NELL1: variants seen among roughly 807,000 people sequenced by gnomAD.
NELL1 encodes neural EGFL like 1, also known as protein kinase C-binding protein NELL1.
In NELL1, 76 loss-of-function variants were observed where a neutral mutation model predicts 107.4. That is an observed-to-expected ratio of 0.71 (90% CI 0.59 to 0.86). The LOEUF (loss-of-function observed/expected upper bound fraction) is 0.86. NELL1 is among the 40% of genes least tolerant of loss of function. The pLI, the probability that NELL1 is intolerant of heterozygous loss-of-function variation, is 0.00. For missense variants in NELL1, 1,024 were observed against 1,005.5 expected (o/e 1.02, Z -0.25); for synonymous variants, 353 against 341.2 (o/e 1.03, Z -0.38).
At chr11:20,820,943 C>A (rs1857737307) in intron 3 of NELL1, among the ~76,000 whole-genome samples, 1 of 152,164 alleles carries the variant, frequency 6.6e-6, no homozygotes, top group Non-Finnish European at 1.5e-5. Context: ...GTTAGATAAA[C>A]AACTCAAGTG....
intron 2 of NELL1, among the ~76,000 whole-genome samples, chr11:20,734,901 C>A (rs991392020): frequency 6.6e-6 from 1 of 152,148 alleles, no homozygotes; most frequent in Non-Finnish European, 1.5e-5. Flanking sequence ...TCCAATTTCT[C>A]AGGCTTCTCC....
At chr11:20,943,657 T>C (rs1034481137) in intron 10 of NELL1, among the ~76,000 whole-genome samples, 3 of 151,966 alleles carry the variant, frequency 2.0e-5, no homozygotes, top group African/African-American at 7.3e-5. Flanking sequence ...CAGAAGGTAA[T>C]ACCCAGATGT....
chr11:21,290,313 G>A (rs1264052825), intron 14 of NELL1, among the ~76,000 whole-genome samples: 1 of 151,728 alleles, frequency 6.6e-6, no homozygotes, highest in Non-Finnish European at 1.5e-5. Flanking sequence ...AGCTTGCAGT[G>A]AGCCAAGATT....
Position 20,858,704 on chromosome 11 carries a change from G to T in NELL1, c.506+10951G>T, listed in dbSNP as rs140124476. Among the ~76,000 whole-genome samples, 544 of 152,314 alleles carry T rather than the reference G, an allele frequency of 3.6e-3. 13 individuals are homozygous for T. The highest frequency in any genetic ancestry group is 0.027 in the Admixed American group (420 of 15,304). On this transcript the variant is annotated intron_variant, in intron 4 of 19. Coordinates refer to ENST00000357134, the MANE Select transcript of NELL1 (RefSeq NM_006157.5). ...ACTCTCCAAGCCGCTGTTTGCAGAT[G>T]GTTGGCTATCATAGCCCCCTGGGGG...
At chr11:21,045,130 A>C (rs1181124006) in intron 12 of NELL1, among the ~76,000 whole-genome samples, 2 of 152,210 alleles carry the variant, frequency 1.3e-5, no homozygotes, top group African/African-American at 2.4e-5. Context: ...GAATAGTGAG[A>C]AAGTAAATAG....
intron 2 of NELL1, among the ~76,000 whole-genome samples, chr11:20,774,261 C>A (rs1413718745): frequency 7.4e-6 from 1 of 135,348 alleles, no homozygotes; most frequent in Non-Finnish European, 1.6e-5. Flanking sequence ...CTCCCATCTT[C>A]TCTTCTCTCC....
chr11:20,819,497 A>T (rs758547543), intron 3 of NELL1, among the ~76,000 whole-genome samples: 3 of 152,158 alleles, frequency 2.0e-5, no homozygotes, highest in Non-Finnish European at 4.4e-5. Flanking sequence ...AATGTGTGGG[A>T]GCTCTCTACT....
In NELL1 at chr11:21,228,714, ACCCCTCCTTCCCTCCCCTCCCT is replaced by A. The variant is rs1352351215; in HGVS notation, c.1427-610_1427-589del. 1.1e-3 allele frequency among the ~76,000 whole-genome samples: 5 copies of A among 4,654 alleles called. 1 individual carries two copies. Among genetic ancestry groups the A allele is most frequent in the Non-Finnish European group, 1.2e-3 (3 of 2,506 alleles). The allele number at this position is 4,654 out of a possible 152,430, so 3.1% of individuals were successfully genotyped here. A position where few individuals can be genotyped will look rare whatever the true frequency, so the allele number is the denominator to read the frequency against. On this transcript the variant is annotated intron_variant, in intron 13 of 19. Transcript: ENST00000357134. ...CTCCCCTCTCCTTCCCTCCCCTCCCACCCCTCCTTCCCTCCCCTCCCTCCCCTCCCCTGCCCTCCCCTCCTTT... is the reference window on the plus strand; with the variant it reads ...CTCCCCTCTCCTTCCCTCCCCTCCCACCCCTCCCCTGCCCTCCCCTCCTTT...
At chr11:21,307,178 T>G (rs1250081895) in intron 14 of NELL1, among the ~76,000 whole-genome samples, 1 of 152,012 alleles carries the variant, frequency 6.6e-6, no homozygotes, top group East Asian at 1.9e-4. Context: ...CTCTTGCAGG[T>G]GTCATGGCTG....
intron 4 of NELL1, among the ~76,000 whole-genome samples, chr11:20,867,469 G>C (rs1161195612): frequency 6.6e-6 from 1 of 152,182 alleles, no homozygotes; most frequent in Non-Finnish European, 1.5e-5. Context: ...AAAATTCAGT[G>C]AATCCTGGCC....
intron 3 of NELL1, among the ~76,000 whole-genome samples, chr11:20,803,697 C>T (rs2163149): frequency 0.56 from 85,677 of 151,812 alleles, 27,431 homozygotes; most frequent in East Asian, 0.87. Context: ...TGGTTAATAC[C>T]GAGTGTCAAC....
intron 2 of NELL1, among the ~76,000 whole-genome samples, chr11:20,775,422 A>G (rs1292665450): frequency 6.6e-6 from 1 of 152,188 alleles, no homozygotes; most frequent in Non-Finnish European, 1.5e-5. Flanking sequence ...ATTCTCTACC[A>G]TTGGATAGCT....
chr11:20,765,130 C>A (rs562846686), intron 2 of NELL1, among the ~76,000 whole-genome samples: 96 of 151,544 alleles, frequency 6.3e-4, no homozygotes, highest in African/African-American at 2.3e-3. Flanking sequence ...TGCACTCTAG[C>A]CTGGGTGACA....
chr11:20,931,212 G>T (rs1590430076), intron 9 of NELL1, among the ~76,000 whole-genome samples: 1 of 152,142 alleles, frequency 6.6e-6, no homozygotes, highest in East Asian at 1.9e-4. Flanking sequence ...GAATGGCCTG[G>T]GAGGGAGGGG....
chr11:21,222,537 C>T (rs1213412249), intron 13 of NELL1, among the ~76,000 whole-genome samples: 1 of 152,028 alleles, frequency 6.6e-6, no homozygotes, highest in African/African-American at 2.4e-5. Flanking sequence ...TTTAGTTCTG[C>T]TCTGATCTTT....
At chr11:20,782,963 C>A (rs1442341008) in intron 2 of NELL1, among the ~76,000 whole-genome samples, 1 of 152,174 alleles carries the variant, frequency 6.6e-6, no homozygotes, top group Non-Finnish European at 1.5e-5. Context: ...GAATCACACA[C>A]CTCTAGGCCT....
chr11:21,296,426 G>GTGTA (rs386373293), intron 14 of NELL1, among the ~76,000 whole-genome samples: 17 of 151,004 alleles, frequency 1.1e-4, no homozygotes, highest in African/African-American at 1.7e-4. Flanking sequence ...TGCATTATAT[G>GTGTA]TATATATATA....
chr11:20,763,110 C>A (rs1013946318), intron 2 of NELL1, among the ~76,000 whole-genome samples: 3 of 152,152 alleles, frequency 2.0e-5, no homozygotes, highest in Non-Finnish European at 2.9e-5. Flanking sequence ...AGACACCTAT[C>A]ACCCACACCA....
rs956680340 is a variant in NELL1, at chr11:21,431,077, A to G, written c.1645+60129A>G. On this transcript the variant is annotated intron_variant, in intron 15 of 19. Transcript: ENST00000357134. ...TTTTTGACATTATGGAGCTAATCAT[A>G]TCATAATTTATGATGATATTGATTC... 3.3e-5 allele frequency among the ~76,000 whole-genome samples: 5 copies of G among 152,186 alleles called. 1 individual carries two copies. The highest frequency in any genetic ancestry group is 1.3e-4 in the Admixed American group (2 of 15,298).
Sources: allele counts gnomAD v4.1 joint callset (sites outside exome capture counted in the v4.1 genomes callset), GRCh38; gene constraint gnomAD v4.1.1; transcripts MANE v1.5; gene names NCBI Gene and HGNC (gene_info 2026-07-23, HGNC 2026-07-21).